The following PPP6C variants were observed in gnomAD, a reference collection of about 807,000 sequenced individuals.
The protein encoded by PPP6C is serine/threonine-protein phosphatase 6 catalytic subunit.
PPP6C carries 11 observed loss-of-function variants against 39.8 expected under a neutral mutation model. That is an observed-to-expected ratio of 0.28 (90% CI 0.17 to 0.46). The LOEUF is 0.46. Ranked by LOEUF, PPP6C falls within the 20% of genes least tolerant of loss-of-function variation. The pLI is 1.00. For synonymous variants in PPP6C, 129 were observed against 130.3 expected, an observed-to-expected ratio of 0.99 and a Z score of 0.07; for missense variants, 211 against 373.9, an observed-to-expected ratio of 0.56 and a Z score of 3.59.
At chr9:125,162,495 C>T (rs1402586515) in intron 2 of PPP6C, among the ~76,000 whole-genome samples, 2 of 145,068 alleles carry the variant, frequency 1.4e-5, no homozygotes, top group African/African-American at 2.6e-5. Flanking sequence ...TGTTATGGTC[C>T]GGGCACAGTG....
chr9:125,189,279 C>T (rs1175972507), intron 1 of PPP6C, among the ~76,000 whole-genome samples: 1 of 152,354 alleles, frequency 6.6e-6, no homozygotes, highest in Admixed American at 6.5e-5. Flanking sequence ...GACCCCATCC[C>T]GAGGGCACTG....
intron 1 of PPP6C, among the ~76,000 whole-genome samples, chr9:125,174,678 G>A (rs1158690743): frequency 6.6e-6 from 1 of 151,834 alleles, no homozygotes; most frequent in African/African-American, 2.4e-5. Flanking sequence ...AGGAGGCTCA[G>A]GCAGGTGGAT....
intron 1 of PPP6C, among the ~76,000 whole-genome samples, chr9:125,173,285 C>T (rs1045201099): frequency 6.6e-6 from 1 of 151,548 alleles, no homozygotes; most frequent in Non-Finnish European, 1.5e-5. Context: ...GTGGCAGGTG[C>T]CTGTAATCCT....
At chr9:125,155,790 AG>A (rs1351508075) in intron 4 of PPP6C, among the ~76,000 whole-genome samples, 2 of 151,900 alleles carry the variant, frequency 1.3e-5, no homozygotes, top group African/African-American at 2.4e-5. Flanking sequence ...CTGTAGTCCC[AG>A]CTACTTGGGA....
At chr9:125,188,607 G>A (rs970246467) in intron 1 of PPP6C, among the ~76,000 whole-genome samples, 3 of 151,972 alleles carry the variant, frequency 2.0e-5, no homozygotes, top group South Asian at 4.2e-4. Flanking sequence ...CCAACATGGC[G>A]AAACCCCGTC....
At chr9:125,171,476 C>CAT (rs1171225348) in intron 1 of PPP6C, among the ~76,000 whole-genome samples, 2,218 of 56,358 alleles carry the variant, frequency 0.039, 24 homozygotes, top group Non-Finnish European at 0.043. Flanking sequence ...CACACACACA[C>CAT]ACATATATAT....
rs1325095126 is a variant in PPP6C at position 125,159,186 on chromosome 9, G to A, written c.238-804C>T. ...CCTGAGTAGCTGGGATTACAGGCAT[G>A]CACCACCAAGCCCGGCTAATTTTGT... On this transcript the variant is annotated intron_variant, in intron 3 of 6. Coordinates refer to ENST00000373547, the MANE Select transcript of PPP6C (RefSeq NM_002721.5). Among the ~76,000 whole-genome samples, 4 of 148,882 alleles carry A rather than the reference G, an allele frequency of 2.7e-5. No homozygotes were observed. The East Asian group carries it at 7.9e-4, about 29-fold the overall frequency.
At chr9:125,170,670 C>A (rs1829127506) in intron 2 of PPP6C, among the ~76,000 whole-genome samples, 1 of 152,072 alleles carries the variant, frequency 6.6e-6, no homozygotes, top group Admixed American at 6.6e-5. Flanking sequence ...ATTCTCATTC[C>A]CACTAAAGAA....
chr9:125,186,938 CTTTT>C (rs1168730026), intron 1 of PPP6C, among the ~76,000 whole-genome samples: 2 of 83,664 alleles, frequency 2.4e-5, no homozygotes, highest in Non-Finnish European at 4.4e-5. Context: ...ATTTTTCTTT[CTTTT>C]TTTTTTTTTT....
chr9:125,154,119 G>A lies in PPP6C; in HGVS notation c.380-134C>T. 3 of 675,448 alleles carry A rather than the reference G, an allele frequency of 4.4e-6. No homozygotes were observed. In the South Asian group the frequency reaches 5.8e-5, roughly 13 times the overall value. The allele number at this position is 675,448 out of a possible 1,614,324, so 41.8% of individuals were successfully genotyped here. A position where few individuals can be genotyped will look rare whatever the true frequency, so the allele number is the denominator to read the frequency against. On this transcript the variant is annotated intron_variant, in intron 4 of 6. Coordinates refer to ENST00000373547, the MANE Select transcript of PPP6C (RefSeq NM_002721.5). ...GATAGCAAGATATGACACATATTTA[G>A]TCCTGCTAGGACCTCCACATAGAGC...
intron 1 of PPP6C, 21 bp from the exon 2 acceptor site, chr9:125,171,201 A>C (rs1326028800): frequency 6.7e-7 from 1 of 1,497,696 alleles, no homozygotes; most frequent in Admixed American, 2.0e-5. Flanking sequence ...AGAAAATAAA[A>C]GGTAAACATT....
At chr9:125,178,138 A>T (rs1030697128) in intron 1 of PPP6C, among the ~76,000 whole-genome samples, 1 of 152,264 alleles carries the variant, frequency 6.6e-6, no homozygotes, top group South Asian at 2.1e-4. Flanking sequence ...TTGTATGGAC[A>T]TAAGTTTACA....
chr9:125,147,750 T>C lies in PPP6C; in HGVS notation c.*1923A>G, dbSNP rs1200908702. 1 of 152,144 alleles carries C rather than the reference T, an allele frequency of 6.6e-6. No homozygotes were observed. Among genetic ancestry groups the C allele is most frequent in the Non-Finnish European group, 1.5e-5 (1 of 68,020 alleles). The allele number at this position is 152,144 out of a possible 1,614,324, so 9.4% of individuals were successfully genotyped here. ...AACAGGGAGGGCTGGGAGTTACCGG[T>C]TCTATTAGTACAACTTAAGTGGAAA... On this transcript the variant is annotated 3_prime_UTR_variant, in exon 7 of 7. Coordinates refer to ENST00000373547, the MANE Select transcript of PPP6C (RefSeq NM_002721.5).
intron 1 of PPP6C, among the ~76,000 whole-genome samples, chr9:125,172,963 A>G (rs917645779): frequency 2.0e-5 from 3 of 152,294 alleles, no homozygotes; most frequent in Non-Finnish European, 2.9e-5. Context: ...ACTATAATTA[A>G]TTATAAAATT....
chr9:125,183,310 T>A (rs534609791), intron 1 of PPP6C, among the ~76,000 whole-genome samples: 1 of 152,296 alleles, frequency 6.6e-6, no homozygotes, highest in South Asian at 2.1e-4. Flanking sequence ...AAAAGCCTAC[T>A]GTCATTCTCC....
At chr9:125,150,047 A>C in intron 6 of PPP6C, 126 bp from the exon 7 acceptor site, 1 of 1,232,198 alleles carries the variant, frequency 8.1e-7, no homozygotes. Context: ...GCACTCTATA[A>C]TTATCTCCAA....
At chr9:125,154,266 T>C (rs1208156019) in intron 4 of PPP6C, among the ~76,000 whole-genome samples, 5 of 152,226 alleles carry the variant, frequency 3.3e-5, no homozygotes, top group African/African-American at 1.2e-4. Context: ...TGTCCTTACA[T>C]AAACCTAGAT....
At position 125,174,101 on chromosome 9, in the gene PPP6C, A is replaced by G. The variant is rs564720072; in HGVS notation, c.76-2921T>C. ...GGTCTCAGGTGGAACCTTCCTTCCT[A>G]CCTGAGACCAGTTTGTACTATTGCC... On this transcript the variant is annotated intron_variant, in intron 1 of 6. Coordinates refer to ENST00000373547, the MANE Select transcript of PPP6C (RefSeq NM_002721.5). Among the ~76,000 whole-genome samples the G allele has an allele frequency of 9.2e-5, 14 of 152,292 alleles. 1 individual carries two copies. The South Asian group carries it at 2.9e-3, about 32-fold the overall frequency.
chr9:125,168,999 T>C (rs1364212422), intron 2 of PPP6C, among the ~76,000 whole-genome samples: 1 of 152,158 alleles, frequency 6.6e-6, no homozygotes, highest in Non-Finnish European at 1.5e-5. Flanking sequence ...GACCTTCTGA[T>C]CTGCCTGCCT....
Sources: allele counts gnomAD v4.1 joint callset (sites outside exome capture counted in the v4.1 genomes callset), GRCh38; gene constraint gnomAD v4.1.1; transcripts MANE v1.5; gene names NCBI Gene and HGNC (gene_info 2026-07-23, HGNC 2026-07-21).